The following DNAJC10 variants were observed in gnomAD, a reference collection of about 807,000 sequenced individuals.
The protein encoded by DNAJC10 is endoplasmic reticulum disulfide reductase DNAJC10.
DNAJC10 carries 101 observed loss-of-function variants against 115.0 expected under a neutral mutation model. The ratio of observed to expected loss-of-function variants is 0.88; its 90% CI spans 0.75 to 1.04. The LOEUF (loss-of-function observed/expected upper bound fraction) is 1.04. Among genes scored for constraint, DNAJC10 ranks in the 50% least tolerant of loss-of-function variants. The pLI is 0.00. For synonymous variants in DNAJC10, 307 were observed against 301.5 expected, an observed-to-expected ratio of 1.02 and a Z score of -0.19; for missense variants, 981 against 928.8, an observed-to-expected ratio of 1.06 and a Z score of -0.73.
chr2:182,738,299 G>C (rs544443991), intron 11 of DNAJC10, among the ~76,000 whole-genome samples: 1 of 152,214 alleles, frequency 6.6e-6, no homozygotes, highest in African/African-American at 2.4e-5. Flanking sequence ...GGTATTGCCA[G>C]ATTGCCCTCC....
At position 182,788,636 on chromosome 2, in the gene DNAJC10, G is replaced by C; in HGVS notation, c.*11504G>C. On this transcript the variant is annotated 3_prime_UTR_variant, in exon 24 of 24. Coordinates refer to ENST00000264065, the MANE Select transcript of DNAJC10 (RefSeq NM_018981.4). ...GCAATACGTCCGTCTGTAAGTGATG[G>C]TCATATTTGTGTTCTTTTGTCCCAG... 3.1e-6 allele frequency: 1 copy of C among 320,982 alleles called. No homozygotes were observed. The highest frequency in any genetic ancestry group is 3.9e-4 in the Middle Eastern group (1 of 2,534). 19.9% of individuals were successfully genotyped at this position (320,982 alleles called of 1,614,324 possible).
chr2:182,774,344 C>T (rs1694647285), intron 22 of DNAJC10, among the ~76,000 whole-genome samples: 2 of 152,212 alleles, frequency 1.3e-5, no homozygotes, highest in South Asian at 4.1e-4. Context: ...CTTCTCAGAG[C>T]TCAAATGCCG....
At chr2:182,746,438 A>G (rs1346556370) in intron 14 of DNAJC10, among the ~76,000 whole-genome samples, 1 of 152,092 alleles carries the variant, frequency 6.6e-6, no homozygotes, top group African/African-American at 2.4e-5. Context: ...AACTGGTGTG[A>G]GATGGTATCT....
intron 16 of DNAJC10, 29 bp downstream of exon 16, chr2:182,752,217 A>G: frequency 8.2e-7 from 1 of 1,214,984 alleles, no homozygotes; most frequent in Non-Finnish European, 1.1e-6. Context: ...AATTATTCTA[A>G]TTAATTTTAT....
rs1182605358 is a variant in DNAJC10, at chr2:182,778,185, T to TATTA, written c.*1054_*1057dup. ...GTTTTTCACTCCTGTCCAGTCTATTTATTATTCAAATAGGAAAAATTACTT... is the reference window on the plus strand; with the variant it reads ...GTTTTTCACTCCTGTCCAGTCTATTTATTAATTATTCAAATAGGAAAAATTACTT... On this transcript the variant is annotated 3_prime_UTR_variant, in exon 24 of 24. Coordinates refer to ENST00000264065, the MANE Select transcript of DNAJC10 (RefSeq NM_018981.4). 2.0e-5 allele frequency: 3 copies of TATTA among 152,204 alleles called. No individual in the cohort carries two copies. Among genetic ancestry groups the TATTA allele is most frequent in the Non-Finnish European group, 2.9e-5 (2 of 68,040 alleles). The allele number at this position is 152,204 out of a possible 1,614,324, so 9.4% of individuals were successfully genotyped here. A position where few individuals can be genotyped will look rare whatever the true frequency, so the allele number is the denominator to read the frequency against.
chr2:182,732,611 C>A, intron 10 of DNAJC10, 69 bp downstream of exon 10: 2 of 1,442,560 alleles, frequency 1.4e-6, no homozygotes, highest in Non-Finnish European at 1.9e-6. Context: ...TGATTTGAAA[C>A]ATTTTCTTCC....
rs1422398107 is a variant in DNAJC10 at position 182,781,141 on chromosome 2, C to A, written c.*4009C>A. ...TTGCCCCCTACCCCGCCGACAGGCCCCATTGTTGATGTTCCCCTCCCTGTG... is the reference window on the plus strand; with the variant it reads ...TTGCCCCCTACCCCGCCGACAGGCCACATTGTTGATGTTCCCCTCCCTGTG... On this transcript the variant is annotated 3_prime_UTR_variant, in exon 24 of 24. Transcript: ENST00000264065. 1.3e-5 allele frequency: 2 copies of A among 151,950 alleles called. No homozygotes were observed. The highest frequency in any genetic ancestry group is 2.9e-5 in the Non-Finnish European group (2 of 68,020). 9.4% of individuals were successfully genotyped at this position (151,950 alleles called of 1,614,324 possible).
At chr2:182,720,343 G>C (rs1490743877) in intron 4 of DNAJC10, among the ~76,000 whole-genome samples, 174 bp downstream of exon 4, 1 of 152,160 alleles carries the variant, frequency 6.6e-6, no homozygotes, top group South Asian at 2.1e-4. Flanking sequence ...GAGATGATCT[G>C]TACAGATATG....
At chr2:182,744,000 C>G (rs1250377927) in intron 14 of DNAJC10, among the ~76,000 whole-genome samples, 1 of 152,154 alleles carries the variant, frequency 6.6e-6, no homozygotes, top group Non-Finnish European at 1.5e-5. Context: ...TAAGCAACAC[C>G]TGCAGTTTAT....
chr2:182,769,673 T>G lies in DNAJC10; in HGVS notation c.2266-5643T>G, dbSNP rs554284405. On this transcript the variant is annotated intron_variant, in intron 22 of 23. Transcript: ENST00000264065. ...CCTTTGCCCACTTTTTGATGGGTTT[T>G]TTTTTATTGTAAATTTGTTTGAGTT... Among the ~76,000 whole-genome samples, 465 of 151,796 alleles carry G rather than the reference T, an allele frequency of 3.1e-3. 3 individuals are homozygous for G. Among genetic ancestry groups the G allele is most frequent in the African/African-American group, 0.011 (452 of 41,498 alleles).
chr2:182,791,811 A>G lies in DNAJC10; in HGVS notation c.*14679A>G, dbSNP rs1359493698. The stretch of plus-strand genomic sequence containing the variant: ...CTAATACATGATAAGATTTGCAGTT[A>G]TCGTTTAATTAATTGCAATATGGAA... On this transcript the variant is annotated 3_prime_UTR_variant, in exon 24 of 24. Transcript: ENST00000264065. The G allele has an allele frequency of 6.6e-6, 1 of 152,200 alleles. No homozygotes were observed. The highest frequency in any genetic ancestry group is 1.5e-5 in the Non-Finnish European group (1 of 68,022). The allele number at this position is 152,200 out of a possible 1,614,324, so 9.4% of individuals were successfully genotyped here.
rs1694963981 is a variant in DNAJC10, at chr2:182,787,239, GCTTGACAGT to G, written c.*10110_*10118del. On this transcript the variant is annotated 3_prime_UTR_variant, in exon 24 of 24. Coordinates refer to ENST00000264065, the MANE Select transcript of DNAJC10 (RefSeq NM_018981.4). ...TAAACTTCTTTTGGAAACTATACTGGCTTGACAGTCTCCCCATACTGATTCAGACTCCAG... is the reference window on the plus strand; with the variant it reads ...TAAACTTCTTTTGGAAACTATACTGGCTCCCCATACTGATTCAGACTCCAG... 6.6e-6 allele frequency: 1 copy of G among 152,130 alleles called. No individual in the cohort carries two copies. The highest frequency in any genetic ancestry group is 1.5e-5 in the Non-Finnish European group (1 of 68,056). The allele number at this position is 152,130 out of a possible 1,614,324, so 9.4% of individuals were successfully genotyped here.
intron 8 of DNAJC10, 68 bp downstream of exon 8, chr2:182,730,009 C>T: frequency 1.0e-6 from 1 of 1,001,932 alleles, no homozygotes. Context: ...TTTTTAATGG[C>T]AATATTAACA....
rs1041077339 is a variant in DNAJC10, at chr2:182,782,046, G to A, written c.*4914G>A. On this transcript the variant is annotated 3_prime_UTR_variant, in exon 24 of 24. Coordinates refer to ENST00000264065, the MANE Select transcript of DNAJC10 (RefSeq NM_018981.4). The stretch of plus-strand genomic sequence containing the variant: ...CCATGCCTATGTCCTGAATGGTGTT[G>A]CCTAGGTTTTCTTCTAGGTTTTTTA... 6.6e-6 allele frequency: 1 copy of A among 152,154 alleles called. No homozygotes were observed. Among genetic ancestry groups the A allele is most frequent in the Non-Finnish European group, 1.5e-5 (1 of 68,026 alleles). The allele number at this position is 152,154 out of a possible 1,614,324, so 9.4% of individuals were successfully genotyped here. A position where few individuals can be genotyped will look rare whatever the true frequency, so the allele number is the denominator to read the frequency against.
intron 4 of DNAJC10, among the ~76,000 whole-genome samples, chr2:182,721,002 T>C (rs955957315): frequency 2.0e-5 from 3 of 152,018 alleles, no homozygotes; most frequent in African/African-American, 4.8e-5. Flanking sequence ...TTTTTTTTCT[T>C]AAACATGGAG....
At position 182,731,063 on chromosome 2, in the gene DNAJC10, C is replaced by T. The variant is rs1693433389; in HGVS notation, c.761C>T (p.Ala254Val). Reference sequence around the variant, plus strand: ...GTCAACTCCATACAAACTGCTTTTGCTGCTGGTATTGGCTGGCTGATCACT... The same window carrying T: ...GTCAACTCCATACAAACTGCTTTTGTTGCTGGTATTGGCTGGCTGATCACT... ...NFVNSIQTAF[A>V]AGIGWLITFC... Residue 254 changes from alanine to valine, a missense_variant, in exon 9 of 24, where the codon GCT (alanine) becomes GTT (valine). Ala to Val is a moderately conservative substitution (Grantham distance 64). Transcript: ENST00000264065. 4 of 1,612,694 alleles carry T rather than the reference C, an allele frequency of 2.5e-6. No individual in the cohort carries two copies. Among genetic ancestry groups the T allele is most frequent in the Non-Finnish European group, 3.4e-6 (4 of 1,179,370 alleles).
rs983520209 is a variant in DNAJC10 at position 182,743,606 on chromosome 2, G to A, written c.1200G>A (p.Arg400=). ...LLKNDHIQVG[R]FDCSSAPDIC... The stretch of plus-strand genomic sequence containing the variant: ...ACCTTTTTCTCCTTTAGGTTGGCAG[G>A]TTTGACTGTTCCTCTGCACCAGACA... The change falls in exon 14 of 24, where the codon AGG becomes AGA. Residue 400 remains arginine (R), a synonymous_variant. Coordinates refer to ENST00000264065, the MANE Select transcript of DNAJC10 (RefSeq NM_018981.4). The A allele has an allele frequency of 6.2e-7, 1 of 1,612,146 alleles. No homozygotes were observed. The highest frequency in any genetic ancestry group is 8.5e-7 in the Non-Finnish European group (1 of 1,178,800).
At chr2:182,724,965 TC>T (rs1419588375) in intron 5 of DNAJC10, among the ~76,000 whole-genome samples, 1 of 152,212 alleles carries the variant, frequency 6.6e-6, no homozygotes, top group Non-Finnish European at 1.5e-5. Context: ...CACTTTTTTT[TC>T]CTTAACAAAT....
At chr2:182,765,586 T>G (rs1694390392) in intron 22 of DNAJC10, among the ~76,000 whole-genome samples, 1 of 152,138 alleles carries the variant, frequency 6.6e-6, no homozygotes, top group Non-Finnish European at 1.5e-5. Context: ...GCAAGCCAAA[T>G]AGATGCCTGT....
Sources: gnomAD v4.1 joint callset for allele counts (sites outside exome capture counted in the v4.1 genomes callset) on GRCh38, gnomAD v4.1.1 for gene constraint, MANE v1.5 for transcripts, NCBI Gene and HGNC (gene_info 2026-07-23, HGNC 2026-07-21) for gene names.